Variants in KIAA1549 observed in about 807,000 individuals in gnomAD.
KIAA1549 encodes UPF0606 protein KIAA1549.
Under a neutral mutation model 156.4 loss-of-function variants are expected in KIAA1549, and 70 were observed. The ratio of observed to expected loss-of-function variants is 0.45; its 90% CI spans 0.37 to 0.55. The LOEUF (loss-of-function observed/expected upper bound fraction) is 0.55. Ranked by LOEUF, KIAA1549 falls within the 20% of genes least tolerant of loss-of-function variation. The pLI is 0.00. For synonymous variants in KIAA1549, 1,103 were observed against 1,066.4 expected (o/e 1.03, Z -0.67); for missense variants, 2,428 against 2,540.9 (o/e 0.96, Z 0.96).
chr7:138,900,602 T>C (rs903268856), intron 8 of KIAA1549, among the ~76,000 whole-genome samples: 4 of 152,222 alleles, frequency 2.6e-5, no homozygotes, highest in Non-Finnish European at 5.9e-5. Context: ...GGTTGAAATG[T>C]GATCCCCGAT....
Position 138,894,419 on chromosome 7 carries a change from G to A in KIAA1549, c.3955C>T (p.Leu1319Phe). ...VLVVMVIVVI[L>F]YWKLCRTDKL... ...TCTGTGCGGCATAGTTTCCAGTAGA[G>A]GATGACAACAATCACCATCACCACC... The change falls in exon 10 of 20, where the codon CTC becomes TTC. Residue 1319 changes from leucine to phenylalanine, a missense_variant. Leu to Phe is a conservative substitution (Grantham distance 22). Transcript: ENST00000422774. 1 of 1,614,016 alleles carries A rather than the reference G, an allele frequency of 6.2e-7. No homozygotes were observed. Among genetic ancestry groups the A allele is most frequent in the Non-Finnish European group, 8.5e-7 (1 of 1,179,902 alleles).
chr7:138,925,253 AT>A (rs200451257), intron 1 of KIAA1549, among the ~76,000 whole-genome samples: 59 of 149,626 alleles, frequency 3.9e-4, no homozygotes, highest in South Asian at 1.1e-3. Flanking sequence ...GTACCCTTAC[AT>A]TTTTTTTTTA....
chr7:138,860,861 C>G (rs1054679855), intron 16 of KIAA1549, among the ~76,000 whole-genome samples: 2 of 151,810 alleles, frequency 1.3e-5, no homozygotes. Context: ...GAAGATGCTT[C>G]CATAAAATCC....
At chr7:138,936,812 C>T (rs920487367) in intron 1 of KIAA1549, among the ~76,000 whole-genome samples, 9 of 150,864 alleles carry the variant, frequency 6.0e-5, no homozygotes, top group Non-Finnish European at 8.9e-5. Context: ...GTAACTGCCC[C>T]GGCCCTGATT....
Position 138,918,028 on chromosome 7 carries a change from G to A in KIAA1549, c.1598C>T (p.Ser533Leu). The stretch of plus-strand genomic sequence containing the variant: ...CAAGGAGCCAGCAGTAGGATCAAGT[G>A]ACGCCGGCACAGAGAGGCGGCCGTG... The part of the protein sequence containing the change: ...PAHGRLSVPA[S>L]LDPTAGSLSV... Residue 533 changes from serine (S) to leucine (L), a missense_variant, in exon 2 of 20, where the codon TCA (serine) becomes TTA (leucine). Ser to Leu is a moderately radical substitution (Grantham distance 145). Around this residue, in one of 5 missense-constraint regions of KIAA1549, gnomAD observed 893 missense variants for 847.9 expected, o/e 1.05. Coordinates refer to ENST00000422774, the MANE Select transcript of KIAA1549 (RefSeq NM_001164665.2). This position sits in a 1 kb window ranked among gnomAD's most constrained non-coding sequence, Gnocchi z 4.2. 6.2e-7 allele frequency: 1 copy of A among 1,608,796 alleles called. No individual in the cohort carries two copies. Among genetic ancestry groups the A allele is most frequent in the Non-Finnish European group, 8.5e-7 (1 of 1,177,524 alleles).
chr7:138,869,487 G>A (rs1448823461), intron 14 of KIAA1549, 51 bp downstream of exon 14: 31 of 1,420,406 alleles, frequency 2.2e-5, no homozygotes, highest in South Asian at 3.7e-5. Flanking sequence ...TGTGCCCCCC[G>A]CAGCACCTCT....
chr7:138,835,462 C>T lies in KIAA1549; in HGVS notation c.*2444G>A. The T allele has an allele frequency of 4.6e-6, 1 of 217,170 alleles. No individual in the cohort carries two copies. Among genetic ancestry groups the T allele is most frequent in the East Asian group, 6.8e-5 (1 of 14,740 alleles). The allele number at this position is 217,170 out of a possible 1,614,324, so 13.5% of individuals were successfully genotyped here. ...GGTAGTTTGAAAGACATCAAAATTG[C>T]TTTTACGGTCAGCCCAATTTGAAAC... On this transcript the variant is annotated 3_prime_UTR_variant, in exon 20 of 20. Coordinates refer to ENST00000422774, the MANE Select transcript of KIAA1549 (RefSeq NM_001164665.2).
In KIAA1549 at chr7:138,844,402, G is replaced by C. The variant is rs1360814062; in HGVS notation, c.5367C>G (p.Ser1789=). 6.2e-7 allele frequency: 1 copy of C among 1,604,820 alleles called. No individual in the cohort carries two copies. Among genetic ancestry groups the C allele is most frequent in the Non-Finnish European group, 8.5e-7 (1 of 1,175,294 alleles). ...CTCTGGCAGCAAATGGGGCTTCGGC[G>C]GAGGCCTGTGGCTGCTGAGGGTCAG... The part of the protein sequence containing the change: ...VPPDPQQPQA[S]AEAPFAARGI... The change falls in exon 18 of 20, where the codon TCC becomes TCG. Residue 1789 remains serine (S), a synonymous_variant. Coordinates refer to ENST00000422774, the MANE Select transcript of KIAA1549 (RefSeq NM_001164665.2).
intron 1 of KIAA1549, among the ~76,000 whole-genome samples, chr7:138,951,583 A>G (rs1305694353): frequency 6.6e-6 from 1 of 152,134 alleles, no homozygotes; most frequent in Admixed American, 6.6e-5. Context: ...TAAGCTATAA[A>G]CCCACTTGTC....
Position 138,900,615 on chromosome 7 carries a change from T to C in KIAA1549, c.3670-1483A>G, listed in dbSNP as rs138219042. ...CTGGTTGAAATGTGATCCCCGATGGTGGTGGGGGAGCCTAATGGGAGGTAT... is the reference window on the plus strand; with the variant it reads ...CTGGTTGAAATGTGATCCCCGATGGCGGTGGGGGAGCCTAATGGGAGGTAT... On this transcript the variant is annotated intron_variant, in intron 8 of 19. Coordinates refer to ENST00000422774, the MANE Select transcript of KIAA1549 (RefSeq NM_001164665.2). Among the ~76,000 whole-genome samples the C allele has an allele frequency of 1.6e-3, 243 of 152,204 alleles. 4 individuals carry two copies. The highest frequency in any genetic ancestry group is 5.4e-3 in the African/African-American group (225 of 41,526).
intron 10 of KIAA1549, among the ~76,000 whole-genome samples, chr7:138,889,727 A>T (rs1584733245): frequency 6.6e-6 from 1 of 152,222 alleles, no homozygotes; most frequent in South Asian, 2.1e-4. Context: ...CACTTCTCAC[A>T]AACTGAGTGA....
intron 17 of KIAA1549, among the ~76,000 whole-genome samples, chr7:138,851,522 A>C (rs1485702442): frequency 6.6e-6 from 1 of 151,976 alleles, no homozygotes; most frequent in Non-Finnish European, 1.5e-5. Flanking sequence ...TTCTAATTAA[A>C]AAAAAACCTG....
chr7:138,979,602 A>C (rs1814483005), intron 1 of KIAA1549, among the ~76,000 whole-genome samples: 1 of 152,222 alleles, frequency 6.6e-6, no homozygotes, highest in Non-Finnish European at 1.5e-5. Flanking sequence ...AGATGAATCC[A>C]CGAGTATCAG....
intron 10 of KIAA1549, among the ~76,000 whole-genome samples, chr7:138,882,086 C>T (rs142316579): frequency 3.1e-4 from 47 of 152,344 alleles, no homozygotes; most frequent in Non-Finnish European, 5.7e-4. Context: ...ACTCCAAAAA[C>T]GCCAGCTTCT....
intron 12 of KIAA1549, among the ~76,000 whole-genome samples, chr7:138,871,971 CTTTA>C (rs1331747717): frequency 2.6e-5 from 4 of 152,192 alleles, no homozygotes; most frequent in Non-Finnish European, 4.4e-5. Context: ...TTAGTTCCTA[CTTTA>C]TTTATTTTTT....
At chr7:138,943,632 A>G (rs542677812) in intron 1 of KIAA1549, among the ~76,000 whole-genome samples, 8 of 152,212 alleles carry the variant, frequency 5.3e-5, no homozygotes, top group Middle Eastern at 3.4e-3. Flanking sequence ...GGTGGATCAC[A>G]AGGTCAGGAG....
chr7:138,979,960 G>C (rs77797184), intron 1 of KIAA1549, among the ~76,000 whole-genome samples: 318 of 152,282 alleles, frequency 2.1e-3, no homozygotes, highest in African/African-American at 7.2e-3. Context: ...CATGATCCCT[G>C]AAGTCCTCCC....
At chr7:138,935,122 C>T (rs142704198) in intron 1 of KIAA1549, among the ~76,000 whole-genome samples, 242 of 152,254 alleles carry the variant, frequency 1.6e-3, no homozygotes, top group Admixed American at 3.6e-3. Flanking sequence ...ATAAAGAGAA[C>T]TCATGTGGAA....
chr7:138,851,803 C>T (rs897013379), intron 17 of KIAA1549, among the ~76,000 whole-genome samples: 2 of 152,192 alleles, frequency 1.3e-5, no homozygotes, highest in African/African-American at 4.8e-5. Flanking sequence ...CCCTCGTGCT[C>T]CCAGCCCCAT....
Sources: gnomAD v4.1 joint callset for allele counts (sites outside exome capture counted in the v4.1 genomes callset) on GRCh38, gnomAD v4.1.1 for gene constraint, gnomAD v4.1.1 regional missense constraint, Gnocchi (gnomAD v3.1) non-coding constraint, MANE v1.5 for transcripts, NCBI Gene and HGNC (gene_info 2026-07-23, HGNC 2026-07-21) for gene names.